Variants in XRCC5 observed in about 807,000 individuals in gnomAD.
XRCC5 encodes DNA repair protein Ku80.
Under a neutral mutation model 95.7 loss-of-function variants are expected in XRCC5, and 12 were observed. The ratio of observed to expected loss-of-function variants is 0.13; its 90% CI spans 0.08 to 0.20. The LOEUF (loss-of-function observed/expected upper bound fraction) is 0.20. Among genes scored for constraint, XRCC5 ranks in the 10% least tolerant of loss-of-function variants. The pLI is 1.00. For missense variants in XRCC5, 595 were observed against 873.9 expected, an observed-to-expected ratio of 0.68 and a Z score of 4.02; for synonymous variants, 281 against 290.3, an observed-to-expected ratio of 0.97 and a Z score of 0.33.
At chr2:216,131,300 T>C (rs569187066) in intron 9 of XRCC5, 1 of 977,886 alleles carries the variant, frequency 1.0e-6, no homozygotes, top group East Asian at 1.1e-4. Flanking sequence ...TCAGTCTTCT[T>C]GAGCTGGTAT....
chr2:216,109,853 C>T (rs915079459), intron 1 of XRCC5, among the ~76,000 whole-genome samples: 2 of 152,098 alleles, frequency 1.3e-5, no homozygotes, highest in Non-Finnish European at 2.9e-5. Flanking sequence ...TGAAAATTAG[C>T]TGTGATAAAG....
chr2:216,192,561 CTTTGTTTGG>C lies in XRCC5; in HGVS notation c.1945-76_1945-68del, dbSNP rs1689634620. 4.2e-6 allele frequency: 4 copies of C among 958,414 alleles called. No individual in the cohort carries two copies. In the African/African-American group the frequency reaches 6.9e-5, roughly 16 times the overall value. 59.4% of individuals were successfully genotyped at this position (958,414 alleles called of 1,614,324 possible). On this transcript the variant is annotated intron_variant, in intron 17 of 20. Transcript: ENST00000392132. ...AATAAATAAGGTGATTCAGACCAAA[CTTTGTTTGG>C]TCTGGGGTGAATTTGTTTTTGTGTT... is the stretch of plus-strand genomic sequence containing the variant.
intron 16 of XRCC5, among the ~76,000 whole-genome samples, chr2:216,183,912 AT>A (rs1220499565): frequency 1.3e-5 from 2 of 152,170 alleles, no homozygotes; most frequent in Non-Finnish European, 2.9e-5. Flanking sequence ...CTCAATAAGA[AT>A]ATTTCATTAA....
rs1458936644 is a variant in XRCC5, at chr2:216,140,173, T to A, written c.1343-1013T>A. 2.6e-5 allele frequency among the ~76,000 whole-genome samples: 4 copies of A among 152,240 alleles called. No individual in the cohort carries two copies. The South Asian group carries it at 8.3e-4, about 32-fold the overall frequency. On this transcript the variant is annotated intron_variant, in intron 12 of 20. Transcript: ENST00000392132. ...ACCTCCATGGTTTCACCATGAAAAG[T>A]CCATAAATGGGTAAAAAAGAAATAT...
Position 216,109,671 on chromosome 2 carries a change from C to T in XRCC5, c.21+214C>T, listed in dbSNP as rs41296898. The stretch of plus-strand genomic sequence containing the variant: ...AAGACCTGAATTTGAGCCTCGCTGA[C>T]TCCACCTCTTCCATTACCCACCCAT... On this transcript the variant is annotated intron_variant, in intron 1 of 20. Transcript: ENST00000392132. 7.2e-5 allele frequency among the ~76,000 whole-genome samples: 11 copies of T among 152,182 alleles called. No homozygotes were observed. In the East Asian group the frequency reaches 2.1e-3, roughly 29 times the overall value.
chr2:216,180,487 A>G (rs191893842), intron 16 of XRCC5, among the ~76,000 whole-genome samples: 2 of 152,290 alleles, frequency 1.3e-5, no homozygotes, highest in Admixed American at 1.3e-4. Context: ...TCAGTCGTGC[A>G]TGATGGCTTG....
At chr2:216,142,041 G>A (rs1239806515) in intron 13 of XRCC5, among the ~76,000 whole-genome samples, 2 of 151,944 alleles carry the variant, frequency 1.3e-5, no homozygotes, top group Non-Finnish European at 2.9e-5. Flanking sequence ...GCGGCAGAAT[G>A]AGACCGAGTC....
At position 216,190,232 on chromosome 2, in the gene XRCC5, C is replaced by G; in HGVS notation, c.1842C>G (p.Asn614Lys). 1 of 1,613,508 alleles carries G rather than the reference C, an allele frequency of 6.2e-7. No homozygotes were observed. Among genetic ancestry groups the G allele is most frequent in the Non-Finnish European group, 8.5e-7 (1 of 1,179,768 alleles). The change falls in exon 17 of 21, where the codon AAC becomes AAG. Residue 614 changes from asparagine to lysine, a missense_variant. Physicochemically the swap from Asn to Lys is moderately conservative, Grantham distance 94. This residue lies in a region of XRCC5 where 309 missense variants were observed against 382.9 expected (regional missense o/e 0.81). Coordinates refer to ENST00000392132, the MANE Select transcript of XRCC5 (RefSeq NM_021141.4). ...QKKASFEEAS[N>K]QLINHIEQFL... ...TGTTGTCTTATGTTTTAGCGAGTAA[C>G]CAGCTCATAAATCACATCGAACAGT...
intron 19 of XRCC5, among the ~76,000 whole-genome samples, chr2:216,203,207 C>G (rs1689874110): frequency 6.6e-6 from 1 of 152,172 alleles, no homozygotes; most frequent in Non-Finnish European, 1.5e-5. Context: ...CATGCACTCT[C>G]AGCCTGAAGA....
intron 13 of XRCC5, among the ~76,000 whole-genome samples, chr2:216,141,914 C>T (rs571576247): frequency 6.6e-6 from 1 of 152,176 alleles, no homozygotes; most frequent in South Asian, 2.1e-4. Context: ...ATTAGCCGGG[C>T]ATGGTAGCAC....
intron 2 of XRCC5, among the ~76,000 whole-genome samples, chr2:216,115,820 T>TA (rs1696685986): frequency 6.6e-6 from 1 of 152,112 alleles, no homozygotes. Flanking sequence ...ATTTTTTTTT[T>TA]AATAAAGTGT....
chr2:216,172,491 C>T (rs1309906521), intron 16 of XRCC5, among the ~76,000 whole-genome samples: 3 of 27,114 alleles, frequency 1.1e-4, no homozygotes, highest in African/African-American at 4.8e-4. Flanking sequence ...TTTTTTGAGA[C>T]AAAGTCTCAC....
chr2:216,162,484 C>T (rs763392234), intron 16 of XRCC5, among the ~76,000 whole-genome samples: 1 of 151,814 alleles, frequency 6.6e-6, no homozygotes, highest in Non-Finnish European at 1.5e-5. Context: ...ACACCACAAC[C>T]TCTGCCTCCC....
intron 14 of XRCC5, among the ~76,000 whole-genome samples, chr2:216,154,803 C>T (rs949385814): frequency 2.6e-5 from 4 of 152,128 alleles, no homozygotes; most frequent in South Asian, 4.1e-4. Flanking sequence ...AATTAAAAAA[C>T]GCTTGCTCTA....
At chr2:216,169,238 G>A (rs1689109228) in intron 16 of XRCC5, among the ~76,000 whole-genome samples, 1 of 152,234 alleles carries the variant, frequency 6.6e-6, no homozygotes, top group Admixed American at 6.5e-5. Context: ...CCTGATGCAT[G>A]AGTATTAAAC....
In XRCC5 at chr2:216,126,316, A is replaced by T. The variant is rs56004849; in HGVS notation, c.798+285A>T. Among the ~76,000 whole-genome samples the T allele has an allele frequency of 2.6e-5, 4 of 152,162 alleles. No homozygotes were observed. The East Asian group carries it at 7.7e-4, about 29-fold the overall frequency. On this transcript the variant is annotated intron_variant, in intron 7 of 20. Coordinates refer to ENST00000392132, the MANE Select transcript of XRCC5 (RefSeq NM_021141.4). ...AGTTCTAGGCCTGTCTCTTTTTTTT[A>T]AAAGAAAGAAAATGAAATGCATTAA...
chr2:216,173,800 G>GCTTGCTTCTGC (rs1249607836), intron 16 of XRCC5, among the ~76,000 whole-genome samples: 6 of 152,116 alleles, frequency 3.9e-5, no homozygotes, highest in Non-Finnish European at 8.8e-5. Flanking sequence ...TCTGTCTCTG[G>GCTTGCTTCTGC]CTTGCTTCTG....
intron 19 of XRCC5, among the ~76,000 whole-genome samples, chr2:216,195,345 T>TTTTTC (rs10623248): frequency 0.067 from 8,329 of 125,108 alleles, 348 homozygotes; most frequent in African/African-American, 0.076. Flanking sequence ...GTTTTTCTTT[T>TTTTTC]TTTTCTTTTC....
intron 19 of XRCC5, among the ~76,000 whole-genome samples, chr2:216,201,680 A>C (rs1367195849): frequency 1.3e-5 from 2 of 152,202 alleles, no homozygotes; most frequent in Non-Finnish European, 1.5e-5. Flanking sequence ...GAGGGAAAGA[A>C]CACATGAGAA....
Sources: gnomAD v4.1 joint callset for allele counts (sites outside exome capture counted in the v4.1 genomes callset) on GRCh38, gnomAD v4.1.1 for gene constraint, gnomAD v4.1.1 regional missense constraint, MANE v1.5 for transcripts, NCBI Gene and HGNC (gene_info 2026-07-23, HGNC 2026-07-21) for gene names.